Variants in SEZ6L observed in about 807,000 individuals in gnomAD.
The protein encoded by SEZ6L is seizure related 6 homolog like.
SEZ6L carries 37 observed loss-of-function variants against 106.2 expected under a neutral mutation model. That is an observed-to-expected ratio of 0.35 (90% CI 0.27 to 0.46). SEZ6L has a LOEUF of 0.46. Ranked by LOEUF, SEZ6L falls within the 20% of genes least tolerant of loss-of-function variation. The pLI, the probability that SEZ6L is intolerant of heterozygous loss-of-function variation, is 1.00. For synonymous variants in SEZ6L, 541 were observed against 570.4 expected (o/e 0.95, Z 0.73); for missense variants, 1,172 against 1,332.8 (o/e 0.88, Z 1.88).
intron 9 of SEZ6L, among the ~76,000 whole-genome samples, chr22:26,338,983 T>C (rs1237757079): frequency 6.6e-6 from 1 of 150,454 alleles, no homozygotes; most frequent in Admixed American, 6.7e-5. Context: ...GGATTACAGG[T>C]GTAAGCCACT....
chr22:26,217,238 AT>A, intron 1 of SEZ6L, among the ~76,000 whole-genome samples: 1 of 152,254 alleles, frequency 6.6e-6, no homozygotes, highest in East Asian at 1.9e-4. Context: ...CCATAGTGAC[AT>A]TTCCAAACCC....
chr22:26,291,173 A>G (rs941597322), intron 1 of SEZ6L, among the ~76,000 whole-genome samples: 1 of 152,242 alleles, frequency 6.6e-6, no homozygotes, highest in Non-Finnish European at 1.5e-5. Flanking sequence ...TCACAATAGC[A>G]AAGACGTGGA....
intron 9 of SEZ6L, among the ~76,000 whole-genome samples, chr22:26,319,653 C>T (rs1348486729): frequency 6.6e-6 from 1 of 152,218 alleles, no homozygotes; most frequent in Non-Finnish European, 1.5e-5. Context: ...CTTTGCTTCA[C>T]TTCCATAGCC....
intron 1 of SEZ6L, among the ~76,000 whole-genome samples, chr22:26,198,898 C>A (rs559888603): frequency 1.3e-5 from 2 of 152,322 alleles, no homozygotes; most frequent in South Asian, 2.1e-4. Flanking sequence ...GAATATACTG[C>A]AATTCTCTGC....
At chr22:26,225,748 G>T (rs1389017915) in intron 1 of SEZ6L, among the ~76,000 whole-genome samples, 1 of 152,160 alleles carries the variant, frequency 6.6e-6, no homozygotes, top group Non-Finnish European at 1.5e-5. Context: ...AACAAGCTGG[G>T]CTGACTGACT....
At chr22:26,323,773 CATT>C (rs1291120187) in intron 9 of SEZ6L, among the ~76,000 whole-genome samples, 2 of 149,092 alleles carry the variant, frequency 1.3e-5, no homozygotes, top group South Asian at 2.1e-4. Flanking sequence ...CACATTATCT[CATT>C]GATGATGATG....
At chr22:26,227,533 G>A (rs2078669231) in intron 1 of SEZ6L, among the ~76,000 whole-genome samples, 1 of 151,936 alleles carries the variant, frequency 6.6e-6, no homozygotes, top group South Asian at 2.1e-4. Flanking sequence ...TCAGCCTTCT[G>A]AGTAGCTGGG....
intron 1 of SEZ6L, among the ~76,000 whole-genome samples, chr22:26,258,372 C>A (rs909016560): frequency 6.6e-6 from 1 of 152,138 alleles, no homozygotes; most frequent in African/African-American, 2.4e-5. Flanking sequence ...AGTCATCACC[C>A]CAGCTGCAGA....
chr22:26,349,510 C>T lies in SEZ6L; in HGVS notation c.2408-1542C>T, dbSNP rs566638274. ...TGTGTGTGTGTACATGCACATCATA[C>T]ATACATTACATGTCACACATAGACA... On this transcript the variant is annotated intron_variant, in intron 11 of 16. Transcript: ENST00000248933. 8.5e-5 allele frequency among the ~76,000 whole-genome samples: 13 copies of T among 152,298 alleles called. No individual in the cohort carries two copies. In the East Asian group the frequency reaches 2.5e-3, roughly 29 times the overall value.
chr22:26,310,809 G>C lies in SEZ6L; in HGVS notation c.1654G>C (p.Ala552Pro). The change falls in exon 7 of 17, where the codon GCC (alanine) becomes CCC (proline). Residue 552 changes from alanine (A) to proline (P), a missense_variant. By Grantham distance (27) the Ala-to-Pro change is conservative. Transcript: ENST00000248933. ...GTTCACGTCCGACCAGGCCCGGGCG[G>C]CCTCCACCTTCAACATCCGATTTGA... ...IEFTSDQARA[A>P]STFNIRFEAF... 6.2e-7 allele frequency: 1 copy of C among 1,614,022 alleles called. No individual in the cohort carries two copies. The highest frequency in any genetic ancestry group is 2.2e-5 in the East Asian group (1 of 44,870).
chr22:26,361,027 C>T (rs1241235877), intron 12 of SEZ6L, among the ~76,000 whole-genome samples: 1 of 152,182 alleles, frequency 6.6e-6, no homozygotes, highest in African/African-American at 2.4e-5. Context: ...CGGGGATACC[C>T]ACGCGGCTTT....
chr22:26,326,802 G>C (rs1470611557), intron 9 of SEZ6L, among the ~76,000 whole-genome samples: 1 of 152,224 alleles, frequency 6.6e-6, no homozygotes, highest in African/African-American at 2.4e-5. Context: ...CAGGAAGCCA[G>C]GCAGGAGGCA....
At chr22:26,356,010 C>G (rs1405028390) in intron 12 of SEZ6L, among the ~76,000 whole-genome samples, 1 of 152,226 alleles carries the variant, frequency 6.6e-6, no homozygotes, top group African/African-American at 2.4e-5. Flanking sequence ...GAGCCCCCAT[C>G]TGTGAAAGAA....
At chr22:26,230,419 A>G (rs1046539585) in intron 1 of SEZ6L, among the ~76,000 whole-genome samples, 3 of 152,176 alleles carry the variant, frequency 2.0e-5, no homozygotes, top group Non-Finnish European at 4.4e-5. Flanking sequence ...TCAGTCATTC[A>G]ACAAATACTT....
chr22:26,304,376 GAAA>G lies in SEZ6L; in HGVS notation c.1349-1602_1349-1600del, dbSNP rs1569454354. The stretch of plus-strand genomic sequence containing the variant: ...CAAAAAAAAAAAAAGAAAGAAGAAA[GAAA>G]GAAAGAAAGAAAGAAAGAAAGAAAG... On this transcript the variant is annotated intron_variant, in intron 5 of 16. Coordinates refer to ENST00000248933, the MANE Select transcript of SEZ6L (RefSeq NM_021115.5). 4.7e-3 allele frequency among the ~76,000 whole-genome samples: 307 copies of G among 65,912 alleles called. 12 individuals carry two copies. The highest frequency in any genetic ancestry group is 0.019 in the African/African-American group (294 of 15,738). The allele number at this position is 65,912 out of a possible 152,430, so 43.2% of individuals were successfully genotyped here.
intron 9 of SEZ6L, among the ~76,000 whole-genome samples, chr22:26,321,109 A>G (rs1054402896): frequency 2.6e-5 from 4 of 152,238 alleles, no homozygotes; most frequent in Admixed American, 6.5e-5. Flanking sequence ...TTAATTGTCC[A>G]TGATATTTAA....
intron 1 of SEZ6L, among the ~76,000 whole-genome samples, chr22:26,255,839 C>T: frequency 6.6e-6 from 1 of 152,228 alleles, no homozygotes; most frequent in Admixed American, 6.5e-5. Context: ...TAAATAGGGC[C>T]TCTGCCTTCG....
chr22:26,209,659 A>AT (rs2078089819), intron 1 of SEZ6L, among the ~76,000 whole-genome samples: 1 of 147,818 alleles, frequency 6.8e-6, no homozygotes, highest in Non-Finnish European at 1.5e-5. Flanking sequence ...AAAAAGATGG[A>AT]TATATGGATG....
At chr22:26,278,945 GAAAA>G (rs2080653930) in intron 1 of SEZ6L, among the ~76,000 whole-genome samples, 2 of 121,034 alleles carry the variant, frequency 1.7e-5, no homozygotes, top group Non-Finnish European at 3.4e-5. Flanking sequence ...AAGAAAGAAA[GAAAA>G]AGAAAGAAAG....
Sources: allele counts gnomAD v4.1 joint callset (sites outside exome capture counted in the v4.1 genomes callset), GRCh38; gene constraint gnomAD v4.1.1; transcripts MANE v1.5; gene names NCBI Gene and HGNC (gene_info 2026-07-23, HGNC 2026-07-21).